CCDC125: variants seen among roughly 807,000 people sequenced by gnomAD.
The protein encoded by CCDC125 is coiled-coil domain-containing protein 125.
In CCDC125, 43 loss-of-function variants were observed where a neutral mutation model predicts 57.4. The observed-to-expected ratio is 0.75, with a 90% confidence interval of 0.59 to 0.97. The LOEUF (loss-of-function observed/expected upper bound fraction) is 0.97. Among genes scored for constraint, CCDC125 ranks in the 50% least tolerant of loss-of-function variants. The probability of loss-of-function intolerance (pLI) is 0.00; values close to 1 mark genes in which losing one functional copy is unlikely to be tolerated. For synonymous variants in CCDC125, 187 were observed against 195.2 expected (o/e 0.96, Z 0.35); for missense variants, 563 against 595.7 (o/e 0.95, Z 0.57).
chr5:69,295,573 G>A (rs975415009), intron 8 of CCDC125, among the ~76,000 whole-genome samples: 1 of 152,164 alleles, frequency 6.6e-6, no homozygotes, highest in Non-Finnish European at 1.5e-5. Flanking sequence ...GAGGAGGAGA[G>A]ACCAGAGACC....
chr5:69,316,785 T>TTATA (rs1759183410), intron 2 of CCDC125, among the ~76,000 whole-genome samples: 1 of 152,102 alleles, frequency 6.6e-6, no homozygotes, highest in Non-Finnish European at 1.5e-5. Flanking sequence ...AATGCTGGGA[T>TTATA]TATAGGCATC....
chr5:69,290,921 C>T (rs745667317), intron 10 of CCDC125, among the ~76,000 whole-genome samples: 2 of 152,110 alleles, frequency 1.3e-5, no homozygotes, highest in Admixed American at 6.6e-5. Context: ...TGAGCCACGA[C>T]GCCCAGCCAA....
At chr5:69,315,424 C>G (rs186010892) in intron 2 of CCDC125, among the ~76,000 whole-genome samples, 37 of 115,498 alleles carry the variant, frequency 3.2e-4, no homozygotes, top group African/African-American at 1.2e-3. Flanking sequence ...GGTAACAGAG[C>G]GAGATTCTGT....
chr5:69,292,115 G>T, intron 10 of CCDC125, 73 bp downstream of exon 10: 1 of 1,309,944 alleles, frequency 7.6e-7, no homozygotes, highest in Non-Finnish European at 1.1e-6. Flanking sequence ...GATTAAGTGT[G>T]CTTCATCAAC....
At chr5:69,276,431 G>T, downstream of CCDC125, 2 of 862,030 alleles carry the variant, frequency 2.3e-6, no homozygotes, top group South Asian at 1.5e-5. Flanking sequence ...TGTTGGGAAT[G>T]AGGGCATTCA....
chr5:69,319,379 C>A (rs1415783290), intron 2 of CCDC125, among the ~76,000 whole-genome samples: 1 of 151,878 alleles, frequency 6.6e-6, no homozygotes, highest in East Asian at 1.9e-4. Context: ...AAAAAAAGTA[C>A]TTCACAAAAA....
At chr5:69,302,530 C>T (rs183272103) in intron 7 of CCDC125, among the ~76,000 whole-genome samples, 21 of 150,204 alleles carry the variant, frequency 1.4e-4, no homozygotes, top group Non-Finnish European at 2.4e-4. Flanking sequence ...TTGAGACCAT[C>T]CTGGCCAACA....
At chr5:69,317,777 T>C (rs1759356266) in intron 2 of CCDC125, among the ~76,000 whole-genome samples, 1 of 152,022 alleles carries the variant, frequency 6.6e-6, no homozygotes, top group African/African-American at 2.4e-5. Context: ...AGACTAACTG[T>C]TTTGACAATT....
chr5:69,308,245 T>C lies in CCDC125; in HGVS notation c.454-217A>G. ...GAATGTGGGAATTAATGGATGAATT[T>C]TCCACACAAAGAAAGTGTTCAGAAC... On this transcript the variant is annotated intron_variant, in intron 4 of 11. Coordinates refer to ENST00000396496, the MANE Select transcript of CCDC125 (RefSeq NM_176816.5). 6.9e-6 allele frequency: 4 copies of C among 577,862 alleles called. No individual in the cohort carries two copies. In the South Asian group the frequency reaches 8.2e-5, roughly 12 times the overall value. 35.8% of individuals were successfully genotyped at this position (577,862 alleles called of 1,614,324 possible).
chr5:69,311,278 A>G (rs1256070321), intron 3 of CCDC125, 74 bp from the exon 4 acceptor site: 2 of 881,800 alleles, frequency 2.3e-6, no homozygotes, highest in African/African-American at 3.4e-5. Context: ...TGGCTAGTCT[A>G]CATTTACCCT....
chr5:69,327,316 G>C (rs1170339526), intron 1 of CCDC125, among the ~76,000 whole-genome samples: 1 of 151,894 alleles, frequency 6.6e-6, no homozygotes, highest in African/African-American at 2.4e-5. Context: ...GGATGGTCTC[G>C]ATCTCCTGAC....
chr5:69,315,277 T>G (rs190359635), intron 2 of CCDC125, among the ~76,000 whole-genome samples: 3 of 148,120 alleles, frequency 2.0e-5, no homozygotes, highest in Admixed American at 6.8e-5. Flanking sequence ...AAAAATAACC[T>G]GAAGGCTGGG....
At position 69,294,435 on chromosome 5, in the gene CCDC125, G is replaced by A. The variant is rs188537160; in HGVS notation, c.924+358C>T. ...CGATTCTCCTGCCTCAGCCTCCCAA[G>A]TAGCTAAGATTACAGGTGACCGCCA... On this transcript the variant is annotated intron_variant, in intron 9 of 11. Transcript: ENST00000396496. Among the ~76,000 whole-genome samples the A allele has an allele frequency of 8.3e-4, 126 of 152,078 alleles. No homozygotes were observed. The East Asian group carries it at 0.022, about 26-fold the overall frequency.
At chr5:69,314,306 A>G (rs1561465701) in intron 2 of CCDC125, among the ~76,000 whole-genome samples, 1 of 152,082 alleles carries the variant, frequency 6.6e-6, no homozygotes, top group East Asian at 1.9e-4. Flanking sequence ...CTCTACTAAA[A>G]ATACAAAAAT....
chr5:69,329,788 C>G (rs1761193487), intron 1 of CCDC125, among the ~76,000 whole-genome samples: 1 of 152,140 alleles, frequency 6.6e-6, no homozygotes, highest in African/African-American at 2.4e-5. Flanking sequence ...CAGGCATGAG[C>G]CACCGAGCCC....
chr5:69,288,811 T>C (rs1298001774), intron 10 of CCDC125, among the ~76,000 whole-genome samples: 1 of 152,120 alleles, frequency 6.6e-6, no homozygotes, highest in Non-Finnish European at 1.5e-5. Context: ...TAACTCCAGG[T>C]AGACAGTGTG....
Position 69,285,395 on chromosome 5 carries a change from G to C in CCDC125, c.1172C>G (p.Ser391Cys), listed in dbSNP as rs748388803. Residue 391 changes from serine (S) to cysteine (C), a missense_variant, in exon 11 of 12, where the codon TCT (serine) becomes TGT (cysteine). Ser to Cys is a moderately radical substitution (Grantham distance 112). Coordinates refer to ENST00000396496, the MANE Select transcript of CCDC125 (RefSeq NM_176816.5). ...ACTGTCCTGGTCTTCCATCCTCTTA[G>C]AACTGTTTTCTGAAGGGAGCATACC... The part of the protein sequence containing the change: ...LLGMLPSENS[S>C]KRMEDQDSPQ... 2 of 1,612,450 alleles carry C rather than the reference G, an allele frequency of 1.2e-6. No homozygotes were observed. Among genetic ancestry groups the C allele is most frequent in the Non-Finnish European group, 1.7e-6 (2 of 1,179,422 alleles).
At chr5:69,303,205 T>G (rs755075377) in intron 7 of CCDC125, among the ~76,000 whole-genome samples, 5 of 151,666 alleles carry the variant, frequency 3.3e-5, no homozygotes, top group Non-Finnish European at 5.9e-5. Flanking sequence ...TTTCTGTTGT[T>G]GTTGTTGTTT....
chr5:69,275,537 C>T (rs1752028460), downstream of CCDC125, among the ~76,000 whole-genome samples: 1 of 152,104 alleles, frequency 6.6e-6, no homozygotes. Context: ...ATCCAAATAT[C>T]CGAAATCTGA....
Sources: allele counts gnomAD v4.1 joint callset (sites outside exome capture counted in the v4.1 genomes callset), GRCh38; gene constraint gnomAD v4.1.1; transcripts MANE v1.5; gene names NCBI Gene and HGNC (gene_info 2026-07-23, HGNC 2026-07-21).